CDH2: variants seen among roughly 807,000 people sequenced by gnomAD.
CDH2 encodes the protein cadherin-2.
In CDH2, 17 loss-of-function variants were observed where a neutral mutation model predicts 92.0. The observed-to-expected ratio is 0.18, with a 90% CI of 0.13 to 0.28. The LOEUF (loss-of-function observed/expected upper bound fraction) is 0.28, where lower values mean the gene tolerates loss of function less well. CDH2 is among the 10% of genes least tolerant of loss of function. The pLI, the probability that CDH2 is intolerant of heterozygous loss-of-function variation, is 1.00. For synonymous variants in CDH2, 419 were observed against 415.9 expected (o/e 1.01, Z -0.09); for missense variants, 862 against 1,133.1 (o/e 0.76, Z 3.44).
intron 11 of CDH2, 90 bp downstream of exon 11, chr18:27,988,434 T>C (rs955768709): frequency 2.6e-6 from 3 of 1,137,240 alleles, no homozygotes; most frequent in Non-Finnish European, 3.8e-6. Flanking sequence ...TTCCAGGCAA[T>C]TGAGTTTTGT....
Position 28,005,898 on chromosome 18 carries a change from C to T in CDH2, c.798G>A (p.Glu266=). 6.2e-7 allele frequency: 1 copy of T among 1,612,396 alleles called. No homozygotes were observed. Among genetic ancestry groups the T allele is most frequent in the Non-Finnish European group, 8.5e-7 (1 of 1,178,464 alleles). The part of the protein sequence containing the change: ...NVIDMNDNRP[E]FLHQVWNGTV... ...TCCCATTCCAAACCTGGTGTAAGAA[C>T]TCAGGTCTGTTGTCATTCATGTCAA... The change falls in exon 6 of 16, where the codon GAG becomes GAA. Residue 266 remains glutamate (E), a synonymous_variant. Transcript: ENST00000269141.
intron 1 of CDH2, among the ~76,000 whole-genome samples, chr18:28,163,455 TC>T (rs919520580): frequency 1.3e-5 from 2 of 152,208 alleles, no homozygotes; most frequent in Admixed American, 6.5e-5. Context: ...AATCAGACTA[TC>T]AGGGCTAGGG....
At chr18:28,086,106 C>G (rs2014922133) in intron 2 of CDH2, among the ~76,000 whole-genome samples, 1 of 152,124 alleles carries the variant, frequency 6.6e-6, no homozygotes, top group Non-Finnish European at 1.5e-5. Flanking sequence ...CGTCAACCTT[C>G]TAGCAAGCAG....
chr18:28,050,736 A>G (rs1177725916), intron 2 of CDH2, among the ~76,000 whole-genome samples: 1 of 152,106 alleles, frequency 6.6e-6, no homozygotes, highest in Non-Finnish European at 1.5e-5. Context: ...TAGCTCTCCC[A>G]TTCCCACCCC....
At chr18:28,028,471 A>C (rs772061259) in intron 2 of CDH2, among the ~76,000 whole-genome samples, 1 of 152,200 alleles carries the variant, frequency 6.6e-6, no homozygotes, top group Non-Finnish European at 1.5e-5. Context: ...CTGACAGTAA[A>C]GTTACAGAAC....
chr18:28,014,872 A>G (rs28460206), intron 2 of CDH2, among the ~76,000 whole-genome samples: 19 of 152,198 alleles, frequency 1.2e-4, no homozygotes, highest in African/African-American at 4.6e-4. Context: ...ATATTCTCTA[A>G]GGAAGATTAT....
intron 6 of CDH2, 81 bp downstream of exon 6, chr18:28,005,768 C>T (rs529736170): frequency 1.1e-6 from 1 of 885,964 alleles, no homozygotes; most frequent in Non-Finnish European, 1.6e-6. Flanking sequence ...CATATGATTT[C>T]TCCATTTCTT....
In CDH2 at chr18:27,985,727, C is replaced by T. The variant is rs2012209814; in HGVS notation, c.1776G>A (p.Gln592=). 1 of 1,612,898 alleles carries T rather than the reference C, an allele frequency of 6.2e-7. No homozygotes were observed. The highest frequency in any genetic ancestry group is 1.3e-5 in the African/African-American group (1 of 75,010). Residue 592 remains glutamine (Q), a synonymous_variant, in exon 12 of 16, where the codon CAG becomes CAA. Transcript: ENST00000269141. ...TGTCATTAATATCAAGTAAATAGAT[C>T]TGCAGCGTTCCTGTTCCACTCATAG... The part of the protein sequence containing the change: ...IPPMSGTGTL[Q]IYLLDINDNA...
chr18:28,146,169 T>A (rs1341760356), intron 2 of CDH2: 9 of 152,116 alleles, frequency 5.9e-5, no homozygotes, highest in Non-Finnish European at 1.5e-5. Context: ...AAACAACAAA[T>A]TATAAGCTTT....
chr18:28,120,471 A>C (rs12966874), intron 2 of CDH2, among the ~76,000 whole-genome samples: 2 of 152,136 alleles, frequency 1.3e-5, no homozygotes, highest in African/African-American at 4.8e-5. Context: ...AAATATATAC[A>C]TCACTTAGTT....
chr18:28,161,500 A>T (rs143315813), intron 1 of CDH2, among the ~76,000 whole-genome samples: 1 of 151,676 alleles, frequency 6.6e-6, no homozygotes, highest in East Asian at 1.9e-4. Flanking sequence ...AAATAGCTTG[A>T]ACCCAGGAGG....
chr18:28,118,191 C>G (rs1056463095), intron 2 of CDH2, among the ~76,000 whole-genome samples: 1 of 151,566 alleles, frequency 6.6e-6, no homozygotes, highest in African/African-American at 2.4e-5. Context: ...AATTAATATT[C>G]ACATACACCT....
chr18:28,176,397 A>G (rs1386299675), intron 1 of CDH2, among the ~76,000 whole-genome samples: 2 of 151,990 alleles, frequency 1.3e-5, no homozygotes, highest in Non-Finnish European at 2.9e-5. Flanking sequence ...AGGGCAAGAG[A>G]AGAAGAAAAG....
In CDH2 at chr18:28,007,165, A is replaced by T. The variant is rs866472691; in HGVS notation, c.703-1172T>A. Among the ~76,000 whole-genome samples, 539 of 110,448 alleles carry T rather than the reference A, an allele frequency of 4.9e-3. 2 individuals are homozygous for T. The highest frequency in any genetic ancestry group is 0.015 in the East Asian group (65 of 4,354). The allele number at this position is 110,448 out of a possible 152,430, so 72.5% of individuals were successfully genotyped here. ...ACAGAGTGAGACTCCATAAAAAAAA[A>T]ATATATATATATATATATATATATA... On this transcript the variant is annotated intron_variant, in intron 5 of 15. Transcript: ENST00000269141.
chr18:28,047,420 T>A (rs1371699665), intron 2 of CDH2, among the ~76,000 whole-genome samples: 1 of 152,166 alleles, frequency 6.6e-6, no homozygotes, highest in African/African-American at 2.4e-5. Flanking sequence ...AACGATTTTA[T>A]CCTTTTAAAA....
chr18:28,007,403 G>T (rs1490639278), intron 5 of CDH2, among the ~76,000 whole-genome samples: 1 of 151,004 alleles, frequency 6.6e-6, no homozygotes, highest in Non-Finnish European at 1.5e-5. Context: ...TTTTGGACTG[G>T]AATGCTTCTA....
rs199543984 is a variant in CDH2, at chr18:27,951,332, T to A, written c.*821A>T. 1 of 152,450 alleles carries A rather than the reference T, an allele frequency of 6.6e-6. No homozygotes were observed. The highest frequency in any genetic ancestry group is 2.4e-5 in the African/African-American group (1 of 41,416). 9.4% of individuals were successfully genotyped at this position (152,450 alleles called of 1,614,324 possible). ...ATGTCACTGTTTTGTAAATACTTTA[T>A]CCATAACGAAAGATATAAACATGCA... On this transcript the variant is annotated 3_prime_UTR_variant, in exon 16 of 16. Coordinates refer to ENST00000269141, the MANE Select transcript of CDH2 (RefSeq NM_001792.5).
chr18:28,153,601 G>A (rs1237768531), intron 1 of CDH2, among the ~76,000 whole-genome samples: 1 of 152,194 alleles, frequency 6.6e-6, no homozygotes, highest in Non-Finnish European at 1.5e-5. Flanking sequence ...AGTGACTGCA[G>A]CATGAACTTC....
At chr18:27,996,041 G>C (rs562962342) in intron 7 of CDH2, among the ~76,000 whole-genome samples, 1 of 152,176 alleles carries the variant, frequency 6.6e-6, no homozygotes, top group African/African-American at 2.4e-5. Flanking sequence ...AGCTGATCAA[G>C]GGGATTCTGC....
Sources: allele counts gnomAD v4.1 joint callset (sites outside exome capture counted in the v4.1 genomes callset), GRCh38; gene constraint gnomAD v4.1.1; transcripts MANE v1.5; gene names NCBI Gene and HGNC (gene_info 2026-07-23, HGNC 2026-07-21).